The following ELOVL6 variants were observed in gnomAD, a reference collection of about 807,000 sequenced individuals.
ELOVL6 encodes ELOVL fatty acid elongase 6, also known as very long chain fatty acid elongase 6.
Under a neutral mutation model 31.7 loss-of-function variants are expected in ELOVL6, and 8 were observed. That is an observed-to-expected ratio of 0.25 (90% CI 0.15 to 0.45). The LOEUF (loss-of-function observed/expected upper bound fraction) is 0.45. Among genes scored for constraint, ELOVL6 ranks in the 20% least tolerant of loss-of-function variants. ELOVL6 has a pLI of 1.00. For missense variants in ELOVL6, 126 were observed against 326.4 expected, an observed-to-expected ratio of 0.39 and a Z score of 4.73; for synonymous variants, 101 against 117.7, an observed-to-expected ratio of 0.86 and a Z score of 0.92.
chr4:110,172,963 C>T (rs1054848140), intron 1 of ELOVL6, among the ~76,000 whole-genome samples: 3 of 152,204 alleles, frequency 2.0e-5, no homozygotes, highest in African/African-American at 7.2e-5. Context: ...GAGAGACACA[C>T]TGCATATGCC....
chr4:110,074,945 TAACTC>T lies in ELOVL6; in HGVS notation c.222-15196_222-15192del, dbSNP rs541507464. ...AGAACAATTACAACTTAATAACAAA[TAACTC>T]TATTAAAAAATGAGCAACAAAGGTA... On this transcript the variant is annotated intron_variant, in intron 2 of 3. Transcript: ENST00000302274. 3.1e-3 allele frequency among the ~76,000 whole-genome samples: 471 copies of T among 152,124 alleles called. 3 individuals carry two copies. The highest frequency in any genetic ancestry group is 0.01 in the Middle Eastern group (3 of 292).
intron 1 of ELOVL6, among the ~76,000 whole-genome samples, chr4:110,136,052 T>G (rs997505553): frequency 6.6e-6 from 1 of 152,210 alleles, no homozygotes; most frequent in African/African-American, 2.4e-5. Context: ...ATGATGGGCT[T>G]CTTAAAGCAT....
chr4:110,111,720 T>A (rs1393659120), intron 1 of ELOVL6, among the ~76,000 whole-genome samples: 2 of 152,016 alleles, frequency 1.3e-5, no homozygotes, highest in Non-Finnish European at 2.9e-5. Flanking sequence ...CCCTGAAGGT[T>A]TTGGATGGAT....
chr4:110,084,559 C>G (rs1214508214), intron 2 of ELOVL6, among the ~76,000 whole-genome samples: 65 of 56,590 alleles, frequency 1.1e-3, no homozygotes, highest in African/African-American at 2.8e-3. Context: ...CACACACACA[C>G]ACAGATATAT....
intron 1 of ELOVL6, among the ~76,000 whole-genome samples, chr4:110,163,300 A>C (rs528396454): frequency 6.6e-6 from 1 of 151,740 alleles, no homozygotes; most frequent in East Asian, 1.9e-4. Context: ...GCTTTCCCTG[A>C]CCCCCTAGCT....
intron 2 of ELOVL6, among the ~76,000 whole-genome samples, chr4:110,084,213 T>TATATGTGATATATGATATATAAAAC (rs1406798208): frequency 1.3e-4 from 10 of 75,496 alleles, no homozygotes; most frequent in Middle Eastern, 0.018. Flanking sequence ...ATATATAACA[T>TATATGTGATATATGATATATAAAAC]ATAACTTATA....
chr4:110,062,868 G>A (rs186771531), intron 2 of ELOVL6, among the ~76,000 whole-genome samples: 7 of 152,266 alleles, frequency 4.6e-5, no homozygotes, highest in African/African-American at 7.2e-5. Flanking sequence ...CCAAGTTACT[G>A]AAGTATTTTT....
rs201339028 is a variant in ELOVL6, at chr4:110,082,169, C to T, written c.222-22415G>A. On this transcript the variant is annotated intron_variant, in intron 2 of 3. Transcript: ENST00000302274. ...TGGGACTGTAAACTAGTTCAACCAT[C>T]GTGGAAGTCAGTGTGGCGATTCCTC... 4.1e-3 allele frequency among the ~76,000 whole-genome samples: 624 copies of T among 151,080 alleles called. 8 individuals carry two copies. The highest frequency in any genetic ancestry group is 0.035 in the East Asian group (182 of 5,142).
At chr4:110,084,563 G>GATATATATATAT (rs1553956219) in intron 2 of ELOVL6, among the ~76,000 whole-genome samples, 1 of 44,556 alleles carries the variant, frequency 2.2e-5, no homozygotes, top group Non-Finnish European at 3.4e-5. Context: ...CACACACACA[G>GATATATATATAT]ATATATATAT....
intron 1 of ELOVL6, among the ~76,000 whole-genome samples, chr4:110,178,507 C>T (rs1050361558): frequency 2.6e-5 from 4 of 151,400 alleles, no homozygotes; most frequent in Admixed American, 1.3e-4. Context: ...GAGCCAAGAT[C>T]GTGCCACTGC....
Position 110,050,522 on chromosome 4 carries a change from C to T in ELOVL6, c.*816G>A, listed in dbSNP as rs76315143. On this transcript the variant is annotated 3_prime_UTR_variant, in exon 4 of 4. Coordinates refer to ENST00000302274, the MANE Select transcript of ELOVL6 (RefSeq NM_024090.3). Reference sequence around the variant, plus strand: ...TGTTCAAAAGCCCGGGGCAACTGAACAAAAGGATAATGCTTCATATCTCAC... The same window carrying T: ...TGTTCAAAAGCCCGGGGCAACTGAATAAAAGGATAATGCTTCATATCTCAC... The T allele has an allele frequency of 6.6e-6, 1 of 152,186 alleles. No individual in the cohort carries two copies. Among genetic ancestry groups the T allele is most frequent in the Non-Finnish European group, 1.5e-5 (1 of 68,042 alleles). The allele number at this position is 152,186 out of a possible 1,614,324, so 9.4% of individuals were successfully genotyped here.
At chr4:110,166,461 AATTACCTGGGTGT>A (rs1043279928) in intron 1 of ELOVL6, among the ~76,000 whole-genome samples, 3 of 151,946 alleles carry the variant, frequency 2.0e-5, no homozygotes, top group African/African-American at 7.3e-5. Context: ...AAAATATAAA[AATTACCTGGGTGT>A]GGTGGTACGC....
At chr4:110,120,843 C>G (rs916080113) in intron 1 of ELOVL6, among the ~76,000 whole-genome samples, 2 of 149,314 alleles carry the variant, frequency 1.3e-5, no homozygotes, top group Non-Finnish European at 3.0e-5. Flanking sequence ...CTCTATCCCC[C>G]TGGCTGGAGT....
intron 1 of ELOVL6, among the ~76,000 whole-genome samples, chr4:110,194,537 G>A (rs181634719): frequency 6.6e-6 from 1 of 152,220 alleles, no homozygotes; most frequent in African/African-American, 2.4e-5. Flanking sequence ...TTCATGGCTA[G>A]GCCAATGAGT....
chr4:110,103,779 A>G (rs1756815207), intron 2 of ELOVL6, among the ~76,000 whole-genome samples: 2 of 134,004 alleles, frequency 1.5e-5, no homozygotes, highest in African/African-American at 3.0e-5. Context: ...ATATCAGTTA[A>G]TGGAAGTGTA....
chr4:110,069,906 C>T (rs1269910559), intron 2 of ELOVL6, among the ~76,000 whole-genome samples: 1 of 152,118 alleles, frequency 6.6e-6, no homozygotes, highest in Non-Finnish European at 1.5e-5. Flanking sequence ...GAGACCCCAC[C>T]GTGCAAGATG....
At chr4:110,195,886 G>A (rs998752107) in intron 1 of ELOVL6, among the ~76,000 whole-genome samples, 3 of 152,164 alleles carry the variant, frequency 2.0e-5, no homozygotes, top group Admixed American at 2.0e-4. Flanking sequence ...AGAGCTGATG[G>A]TCTGTAAGTT....
chr4:110,108,621 A>G (rs1288028122), intron 1 of ELOVL6, among the ~76,000 whole-genome samples: 1 of 152,202 alleles, frequency 6.6e-6, no homozygotes, highest in East Asian at 1.9e-4. Context: ...TTCGACAGAA[A>G]AGAGAATAGG....
chr4:110,129,574 G>A (rs887718806), intron 1 of ELOVL6, among the ~76,000 whole-genome samples: 1 of 152,204 alleles, frequency 6.6e-6, no homozygotes, highest in Non-Finnish European at 1.5e-5. Flanking sequence ...TGCCAGGTGG[G>A]GCTTCTGGGA....
Sources: allele counts gnomAD v4.1 joint callset (sites outside exome capture counted in the v4.1 genomes callset), GRCh38; gene constraint gnomAD v4.1.1; transcripts MANE v1.5; gene names NCBI Gene and HGNC (gene_info 2026-07-23, HGNC 2026-07-21).